Variants in SLC35F4 observed in about 807,000 individuals in gnomAD.
SLC35F4 encodes solute carrier family 35 member F4.
A neutral mutation model predicts 44.2 loss-of-function variants in SLC35F4; 24 were observed. The observed-to-expected ratio is 0.54, with a 90% CI of 0.39 to 0.76. The LOEUF is 0.76. Among genes scored for constraint, SLC35F4 ranks in the 30% least tolerant of loss-of-function variants. The pLI is 0.00. For synonymous variants in SLC35F4, 238 were observed against 223.6 expected, an observed-to-expected ratio of 1.06 and a Z score of -0.57; for missense variants, 562 against 586.1, an observed-to-expected ratio of 0.96 and a Z score of 0.42.
intron 1 of SLC35F4, 73 bp downstream of exon 1, chr14:57,865,650 C>T (rs72624732): frequency 6.9e-6 from 9 of 1,304,980 alleles, no homozygotes; most frequent in South Asian, 1.4e-5. Context: ...CCCGCCCGTC[C>T]GCATCCCCGC....
At chr14:57,798,706 C>T (rs890624529) in intron 1 of SLC35F4, among the ~76,000 whole-genome samples, 1 of 152,178 alleles carries the variant, frequency 6.6e-6, no homozygotes, top group African/African-American at 2.4e-5. Context: ...GAAATGTGCA[C>T]ATATCTGTTC....
intron 3 of SLC35F4, among the ~76,000 whole-genome samples, chr14:57,584,662 G>C (rs1280579411): frequency 6.6e-6 from 1 of 152,136 alleles, no homozygotes; most frequent in Non-Finnish European, 1.5e-5. Context: ...TGCTAAATCA[G>C]ATTTTACTAA....
Position 57,627,412 on chromosome 14 carries a change from T to C in SLC35F4, c.104-33288A>G, listed in dbSNP as rs184645117. On this transcript the variant is annotated intron_variant, in intron 1 of 7. Transcript: ENST00000556826. ...TATCAAACACTAGTGGTTAATACGC[T>C]GTCTAGCAAAGACATTTATTCCTTG... Among the ~76,000 whole-genome samples, 10 of 152,248 alleles carry C rather than the reference T, an allele frequency of 6.6e-5. No homozygotes were observed. In the East Asian group the frequency reaches 1.3e-3, roughly 21 times the overall value.
At chr14:57,772,879 G>T (rs1055468446) in intron 1 of SLC35F4, among the ~76,000 whole-genome samples, 1 of 152,118 alleles carries the variant, frequency 6.6e-6, no homozygotes, top group Non-Finnish European at 1.5e-5. Context: ...ACCAATAGTG[G>T]GATTGCCAGA....
At chr14:57,678,879 G>T (rs2074794202) in intron 1 of SLC35F4, among the ~76,000 whole-genome samples, 1 of 151,994 alleles carries the variant, frequency 6.6e-6, no homozygotes, top group East Asian at 1.9e-4. Context: ...CATAAAGCAA[G>T]TTCTTATGGA....
chr14:57,776,618 A>G (rs1303163270), intron 1 of SLC35F4, among the ~76,000 whole-genome samples: 2 of 145,174 alleles, frequency 1.4e-5, no homozygotes, highest in Non-Finnish European at 3.0e-5. Flanking sequence ...GTCAGCCAAG[A>G]TCATGCCACT....
intron 1 of SLC35F4, among the ~76,000 whole-genome samples, chr14:57,848,732 T>C (rs919377225): frequency 1.3e-5 from 2 of 152,214 alleles, no homozygotes; most frequent in African/African-American, 4.8e-5. Context: ...AGAAGGCAGG[T>C]TTGTTTGCTA....
At chr14:57,687,546 T>C (rs978967179) in intron 1 of SLC35F4, among the ~76,000 whole-genome samples, 2 of 152,188 alleles carry the variant, frequency 1.3e-5, no homozygotes, top group African/African-American at 4.8e-5. Flanking sequence ...AAGCTCCGTG[T>C]CCTTAGTGAG....
At chr14:57,642,503 A>G (rs901918552) in intron 1 of SLC35F4, among the ~76,000 whole-genome samples, 1 of 151,876 alleles carries the variant, frequency 6.6e-6, no homozygotes, top group Non-Finnish European at 1.5e-5. Flanking sequence ...ATGTTAAATC[A>G]GAAGTTTAAC....
intron 1 of SLC35F4, among the ~76,000 whole-genome samples, chr14:57,633,573 A>C (rs188700807): frequency 3.0e-4 from 45 of 152,226 alleles, no homozygotes. Context: ...GAGACTTCCC[A>C]TGTACCCTTC....
chr14:57,750,579 G>A (rs2076861202), intron 1 of SLC35F4, among the ~76,000 whole-genome samples: 1 of 152,080 alleles, frequency 6.6e-6, no homozygotes, highest in African/African-American at 2.4e-5. Flanking sequence ...TTCTAACTGG[G>A]TTAAGCTAAT....
rs1566505451 is a variant in SLC35F4, at chr14:57,937,574, G to GAAAAGAA, written n.282+44338_282+44339insTTCTTTT. On this transcript the variant is annotated intron_variant and non_coding_transcript_variant, in intron 1 of 1. Transcript: ENST00000556568. Reference sequence around the variant, plus strand: ...AGGAAGGAAAGAAAAGAAAAGAAAAGAGAAAAGAAAAGAAAGAAAAGAAAA... The same window carrying GAAAAGAA: ...AGGAAGGAAAGAAAAGAAAAGAAAAGAAAAGAAAGAAAAGAAAAGAAAGAAAAGAAAA... Among the ~76,000 whole-genome samples the GAAAAGAA allele has an allele frequency of 5.3e-4, 47 of 89,160 alleles. 2 individuals are homozygous for GAAAAGAA. The highest frequency in any genetic ancestry group is 1.8e-3 in the African/African-American group (44 of 25,128). The allele number at this position is 89,160 out of a possible 152,430, so 58.5% of individuals were successfully genotyped here.
intron 1 of SLC35F4, among the ~76,000 whole-genome samples, chr14:57,696,501 C>T (rs1470264413): frequency 6.6e-6 from 1 of 152,178 alleles, no homozygotes; most frequent in Admixed American, 6.5e-5. Flanking sequence ...TTGTGGAAGA[C>T]AGTGTGGTAA....
intron 1 of SLC35F4, among the ~76,000 whole-genome samples, chr14:57,776,697 C>G (rs1162344878): frequency 1.4e-5 from 2 of 145,140 alleles, no homozygotes; most frequent in African/African-American, 2.6e-5. Flanking sequence ...AAATTAAAGG[C>G]AGCTAGAAAA....
At chr14:57,633,705 C>A (rs1220167970) in intron 1 of SLC35F4, among the ~76,000 whole-genome samples, 1 of 152,014 alleles carries the variant, frequency 6.6e-6, no homozygotes, top group African/African-American at 2.4e-5. Context: ...TCTATCCCAG[C>A]CCTTGGCAAC....
At chr14:57,779,409 T>TA (rs1204739333) in intron 1 of SLC35F4, among the ~76,000 whole-genome samples, 1 of 152,126 alleles carries the variant, frequency 6.6e-6, no homozygotes, top group Admixed American at 6.6e-5. Flanking sequence ...CCTGGGTACA[T>TA]ACGCCCTCCC....
intron 1 of SLC35F4, among the ~76,000 whole-genome samples, chr14:57,658,627 T>C (rs1006239147): frequency 5.3e-5 from 8 of 152,176 alleles, no homozygotes; most frequent in African/African-American, 1.7e-4. Flanking sequence ...GGATTTCCAA[T>C]TCAAACACCA....
At chr14:57,977,819 G>C (rs1377663724) in intron 1 of SLC35F4, among the ~76,000 whole-genome samples, 1 of 152,100 alleles carries the variant, frequency 6.6e-6, no homozygotes, top group East Asian at 1.9e-4. Flanking sequence ...AGGCAGGAGT[G>C]GCCCCGAAAG....
chr14:57,630,358 C>A, intron 1 of SLC35F4: 1 of 605,158 alleles, frequency 1.7e-6, no homozygotes, highest in Non-Finnish European at 3.1e-6. Context: ...ACTGGAAGAC[C>A]ACACATAGCA....
Sources: allele counts gnomAD v4.1 joint callset (sites outside exome capture counted in the v4.1 genomes callset), GRCh38; gene constraint gnomAD v4.1.1; transcripts MANE v1.5; gene names NCBI Gene and HGNC (gene_info 2026-07-23, HGNC 2026-07-21).